DOCK4: variants seen among roughly 807,000 people sequenced by gnomAD.
DOCK4 encodes the protein dedicator of cytokinesis 4.
DOCK4 carries 97 observed loss-of-function variants against 268.1 expected under a neutral mutation model. The ratio of observed to expected loss-of-function variants is 0.36; its 90% CI spans 0.31 to 0.43. The LOEUF (loss-of-function observed/expected upper bound fraction) is 0.43. DOCK4 is among the 20% of genes least tolerant of loss of function. The pLI, the probability that DOCK4 is intolerant of heterozygous loss-of-function variation, is 1.00. For synonymous variants in DOCK4, 954 were observed against 887.2 expected (o/e 1.08, Z -1.34); for missense variants, 2,145 against 2,455.7 (o/e 0.87, Z 2.67).
At chr7:111,735,006 T>G in intron 51 of DOCK4, 48 bp downstream of exon 51, 1 of 1,447,934 alleles carries the variant, frequency 6.9e-7, no homozygotes, top group Non-Finnish European at 9.5e-7. Context: ...GAGTAGTCAA[T>G]AAAAGTTATT....
chr7:112,136,506 T>C (rs1814364519), intron 1 of DOCK4, among the ~76,000 whole-genome samples: 1 of 152,214 alleles, frequency 6.6e-6, no homozygotes, highest in Non-Finnish European at 1.5e-5. Flanking sequence ...GTAACACCTA[T>C]GTGTCAAGCC....
chr7:111,870,865 A>G (rs1373370791), intron 20 of DOCK4, among the ~76,000 whole-genome samples: 4 of 152,152 alleles, frequency 2.6e-5, no homozygotes, highest in Non-Finnish European at 5.9e-5. Context: ...TTCCAAAGAC[A>G]ATTTAACTTG....
chr7:112,193,617 T>A (rs1038282736), intron 1 of DOCK4, among the ~76,000 whole-genome samples: 7 of 137,252 alleles, frequency 5.1e-5, no homozygotes, highest in Admixed American at 1.6e-4. Flanking sequence ...AAAAAAAAAA[T>A]TCTAGCTCAA....
At chr7:111,863,273 T>G in intron 23 of DOCK4, 99 bp downstream of exon 23, 1 of 1,277,372 alleles carries the variant, frequency 7.8e-7, no homozygotes, top group Non-Finnish European at 1.1e-6. Flanking sequence ...GAAAATGCCT[T>G]TTAGTGTTTT....
intron 1 of DOCK4, among the ~76,000 whole-genome samples, chr7:112,025,997 CCTCT>C (rs974456001): frequency 1.3e-5 from 2 of 152,218 alleles, no homozygotes; most frequent in African/African-American, 4.8e-5. Flanking sequence ...ATTGCACTTG[CCTCT>C]CTATCTGCAC....
chr7:112,050,247 C>G (rs532565606), intron 1 of DOCK4, among the ~76,000 whole-genome samples: 2 of 152,180 alleles, frequency 1.3e-5, no homozygotes, highest in East Asian at 3.9e-4. Flanking sequence ...ATCTTTGAAC[C>G]AGTCTTGTTT....
chr7:112,146,169 A>C (rs1815472111), intron 1 of DOCK4, among the ~76,000 whole-genome samples: 1 of 152,204 alleles, frequency 6.6e-6, no homozygotes, highest in Non-Finnish European at 1.5e-5. Flanking sequence ...CTCACCTTTG[A>C]AAAGTGGCTG....
intron 1 of DOCK4, among the ~76,000 whole-genome samples, chr7:112,081,058 T>C (rs780605533): frequency 4.6e-5 from 7 of 151,976 alleles, no homozygotes; most frequent in Non-Finnish European, 1.0e-4. Flanking sequence ...AGGCCACGGA[T>C]AGGAGGCTGA....
At chr7:111,797,100 C>T (rs1799948681) in intron 30 of DOCK4, among the ~76,000 whole-genome samples, 1 of 152,186 alleles carries the variant, frequency 6.6e-6, no homozygotes, top group African/African-American at 2.4e-5. Flanking sequence ...CTGAAGTGCA[C>T]TCTAAAACAC....
At chr7:111,942,877 A>G (rs1239963412) in intron 10 of DOCK4, among the ~76,000 whole-genome samples, 2 of 152,156 alleles carry the variant, frequency 1.3e-5, no homozygotes, top group Non-Finnish European at 2.9e-5. Context: ...CCATTGTTCC[A>G]CCTGTGAGAG....
chr7:111,995,134 C>A (rs1799833964), intron 4 of DOCK4, among the ~76,000 whole-genome samples: 1 of 151,728 alleles, frequency 6.6e-6, no homozygotes, highest in South Asian at 2.1e-4. Context: ...CAGGTTCATG[C>A]CATTCTCCTG....
chr7:112,052,120 C>T (rs561516377), intron 1 of DOCK4, among the ~76,000 whole-genome samples: 3 of 151,980 alleles, frequency 2.0e-5, no homozygotes, highest in Admixed American at 6.6e-5. Context: ...ACAATGTAAA[C>T]GCTATGTAAA....
intron 24 of DOCK4, 115 bp from the exon 25 acceptor site, chr7:111,845,012 T>C: frequency 7.3e-7 from 1 of 1,368,844 alleles, no homozygotes; most frequent in Non-Finnish European, 9.9e-7. Context: ...TTCACCTAAG[T>C]GAATGATCTC....
At chr7:112,045,114 T>A (rs1339380011) in intron 1 of DOCK4, among the ~76,000 whole-genome samples, 1 of 152,198 alleles carries the variant, frequency 6.6e-6, no homozygotes, top group Admixed American at 6.5e-5. Context: ...TGAGCTCACC[T>A]CCTGCCATTT....
intron 13 of DOCK4, among the ~76,000 whole-genome samples, chr7:111,909,815 G>T (rs1283184808): frequency 6.6e-6 from 1 of 152,066 alleles, no homozygotes; most frequent in Non-Finnish European, 1.5e-5. Context: ...TAAAAAATTA[G>T]CTGGGTGTGG....
At chr7:111,888,009 C>T (rs1807991664) in intron 16 of DOCK4, among the ~76,000 whole-genome samples, 1 of 151,860 alleles carries the variant, frequency 6.6e-6, no homozygotes, top group Non-Finnish European at 1.5e-5. Flanking sequence ...GGAGAGAGCA[C>T]AAGAAGTTAA....
chr7:111,844,603 T>C (rs892816982), intron 25 of DOCK4, among the ~76,000 whole-genome samples, 160 bp downstream of exon 25: 1 of 152,236 alleles, frequency 6.6e-6, no homozygotes, highest in African/African-American at 2.4e-5. Context: ...TTTTATATCT[T>C]GGTTTCCTTG....
intron 1 of DOCK4, among the ~76,000 whole-genome samples, chr7:112,156,307 T>C (rs1816606767): frequency 6.6e-6 from 1 of 152,198 alleles, no homozygotes; most frequent in African/African-American, 2.4e-5. Flanking sequence ...ATTTAGAACT[T>C]AGCGGCCAAT....
chr7:111,773,476 C>G (rs1041929075), intron 36 of DOCK4, among the ~76,000 whole-genome samples: 7 of 152,130 alleles, frequency 4.6e-5, no homozygotes, highest in Non-Finnish European at 7.4e-5. Context: ...CAAAATATAT[C>G]TGTTATATAT....
Sources: allele counts gnomAD v4.1 joint callset (sites outside exome capture counted in the v4.1 genomes callset), GRCh38; gene constraint gnomAD v4.1.1; transcripts MANE v1.5; gene names NCBI Gene and HGNC (gene_info 2026-07-23, HGNC 2026-07-21).